The following TRIM7 variants were observed in gnomAD, a reference collection of about 807,000 sequenced individuals.
The protein encoded by TRIM7 is tripartite motif containing 7.
Under a neutral mutation model 37.9 loss-of-function variants are expected in TRIM7, and 32 were observed. That is an observed-to-expected ratio of 0.84 (90% confidence interval 0.64 to 1.13). TRIM7 has a LOEUF of 1.13. Among genes scored for constraint, TRIM7 ranks in the 50% most tolerant of loss-of-function variants. TRIM7 has a pLI of 0.00. For synonymous variants in TRIM7, 351 were observed against 321.3 expected, an observed-to-expected ratio of 1.09 and a Z score of -0.99; for missense variants, 732 against 714.0, an observed-to-expected ratio of 1.03 and a Z score of -0.29.
In TRIM7 at chr5:181,195,165, C is replaced by T. The variant is rs753380537; in HGVS notation, c.*1G>A. ...AGACAGGAGCTCCCCAGCAGTGCCC[C>T]TCAAGGCCAGATTCGCAAGTAGGTG... On this transcript the variant is annotated 3_prime_UTR_variant, in exon 7 of 7. Transcript: ENST00000274773. 10 of 1,592,796 alleles carry T rather than the reference C, an allele frequency of 6.3e-6. No homozygotes were observed. The South Asian group carries it at 1.1e-4, about 18-fold the overall frequency.
At chr5:181,201,274 A>G (rs1319944300) in intron 2 of TRIM7, among the ~76,000 whole-genome samples, 3 of 152,294 alleles carry the variant, frequency 2.0e-5, no homozygotes, top group Middle Eastern at 3.4e-3. Flanking sequence ...CCCATTGTTG[A>G]CAACCAAAAA....
At chr5:181,204,039 G>A in intron 1 of TRIM7, 1 of 1,004,878 alleles carries the variant, frequency 1.0e-6, no homozygotes, top group Non-Finnish European at 1.2e-6. Context: ...GAGGCTCAGC[G>A]AGAAAATAGC....
chr5:181,195,678 C>T lies in TRIM7; in HGVS notation c.1025-1G>A, dbSNP rs375021518. 64 of 1,517,460 alleles carry T rather than the reference C, an allele frequency of 4.2e-5. No individual in the cohort carries two copies. The South Asian group carries it at 6.8e-4, about 16-fold the overall frequency. 94.0% of individuals were successfully genotyped at this position (1,517,460 alleles called of 1,614,324 possible). A position where few individuals can be genotyped will look rare whatever the true frequency, so the allele number is the denominator to read the frequency against. Reference sequence around the variant, plus strand: ...GTGTCGGGATCCAAGGTGAGCTCCACTGCAGACAGAGACAGGGAGAAATGT... The same window carrying T: ...GTGTCGGGATCCAAGGTGAGCTCCATTGCAGACAGAGACAGGGAGAAATGT... On this transcript the variant is annotated splice_acceptor_variant, in intron 6 of 6. Coordinates refer to ENST00000274773, the MANE Select transcript of TRIM7 (RefSeq NM_203293.3). LOFTEE classifies it high-confidence loss of function.
At chr5:181,198,316 C>G in intron 5 of TRIM7, 98 bp from the exon 6 acceptor site, 3 of 1,285,490 alleles carry the variant, frequency 2.3e-6, no homozygotes, top group Non-Finnish European at 3.4e-6. Context: ...CATTCATTCC[C>G]CAGAGACTCC....
chr5:181,200,407 G>T, intron 2 of TRIM7: 1 of 1,348,496 alleles, frequency 7.4e-7, no homozygotes. Flanking sequence ...AAAGCAGAAG[G>T]GATAAATTAG....
intron 5 of TRIM7, 120 bp downstream of exon 5, chr5:181,198,570 C>T (rs1203196059): frequency 4.0e-6 from 3 of 756,888 alleles, no homozygotes; most frequent in Non-Finnish European, 6.8e-6. Flanking sequence ...CTGGCCATGG[C>T]ACAGCCAGCT....
chr5:181,201,075 G>C (rs1049405342), intron 2 of TRIM7: 2 of 252,964 alleles, frequency 7.9e-6, no homozygotes, highest in African/African-American at 4.7e-5. Flanking sequence ...TTCTCGGCCA[G>C]TTGCCTCACA....
intron 6 of TRIM7, chr5:181,196,457 G>C (rs1757129896): frequency 6.6e-6 from 1 of 152,280 alleles, no homozygotes; most frequent in African/African-American, 2.4e-5. Context: ...TGCGATACCA[G>C]CACTTTGGGA....
chr5:181,203,387 T>G (rs1757625202), intron 2 of TRIM7, 158 bp downstream of exon 2: 1 of 1,466,894 alleles, frequency 6.8e-7, no homozygotes, highest in Admixed American at 2.6e-5. Context: ...TGTACAACAA[T>G]TATGTGGACA....
Position 181,195,466 on chromosome 5 carries a change from G to A in TRIM7, c.1236C>T (p.Gly412=), listed in dbSNP as rs766580648. The A allele has an allele frequency of 1.9e-6, 3 of 1,611,792 alleles. No individual in the cohort carries two copies. Among genetic ancestry groups the A allele is most frequent in the South Asian group, 1.1e-5 (1 of 90,962 alleles). ...TTCGGCGCACGCTCTCGCGGGCCAC[G>A]CCAAAGGCCCAGCCGTCCTTAGAGC... The part of the protein sequence containing the change: ...EVGSKDGWAF[G]VARESVRRKG... Residue 412 remains glycine, a synonymous_variant, in exon 7 of 7, where the codon GGC becomes GGT. Transcript: ENST00000274773.
intron 4 of TRIM7, 92 bp downstream of exon 4, chr5:181,199,003 G>A: frequency 1.3e-6 from 2 of 1,531,452 alleles, no homozygotes; most frequent in South Asian, 2.2e-5. Context: ...GGATCAGGAG[G>A]TGAGAGGTCA....
Position 181,200,146 on chromosome 5 carries a change from T to C in TRIM7, c.619-65A>G, listed in dbSNP as rs1757388938. On this transcript the variant is annotated intron_variant, in intron 2 of 6. Coordinates refer to ENST00000274773, the MANE Select transcript of TRIM7 (RefSeq NM_203293.3). ...GAGACATAACATTTGGCCAGTGGCCTGAGTCATCCCACAGGGCAAGGCTTC... is the reference window on the plus strand; with the variant it reads ...GAGACATAACATTTGGCCAGTGGCCCGAGTCATCCCACAGGGCAAGGCTTC... The C allele has an allele frequency of 1.9e-6, 3 of 1,613,520 alleles. No homozygotes were observed. In the African/African-American group the frequency reaches 4.0e-5, roughly 21 times the overall value.
At chr5:181,199,188 GC>G in intron 3 of TRIM7, 71 bp from the exon 4 acceptor site, 1 of 1,581,552 alleles carries the variant, frequency 6.3e-7, no homozygotes, top group East Asian at 2.2e-5. Context: ...AACAAAGCTT[GC>G]CCCTTGCTGT....
intron 1 of TRIM7, 147 bp downstream of exon 1, chr5:181,204,442 C>T: frequency 8.7e-6 from 10 of 1,152,600 alleles, no homozygotes; most frequent in Non-Finnish European, 1.1e-5. Context: ...CGGGAACCAG[C>T]GCTGGGCTTC....
chr5:181,195,908 T>C lies in TRIM7; in HGVS notation c.1025-231A>G, dbSNP rs1272905734. On this transcript the variant is annotated intron_variant, in intron 6 of 6. Transcript: ENST00000274773. The stretch of plus-strand genomic sequence containing the variant: ...ACTGAAATCAAACAAATGCAATGTG[T>C]GGGCCTGGTTTGAACCCCAATTCAA... The C allele has an allele frequency of 5.1e-5, 24 of 468,950 alleles. No individual in the cohort carries two copies. In the East Asian group the frequency reaches 8.1e-4, roughly 16 times the overall value. 29.0% of individuals were successfully genotyped at this position (468,950 alleles called of 1,614,324 possible). A position where few individuals can be genotyped will look rare whatever the true frequency, so the allele number is the denominator to read the frequency against.
intron 2 of TRIM7, chr5:181,200,951 A>T (rs1385929645): frequency 2.0e-6 from 2 of 984,600 alleles, no homozygotes; most frequent in African/African-American, 3.5e-5. Flanking sequence ...CGCCTTATGG[A>T]TATTAACTCC....
rs769847608 is a variant in TRIM7 at position 181,203,634 on chromosome 5, A to G, written c.529T>C (p.Leu177=). The change falls in exon 2 of 7, where the codon TTG becomes CTG. Residue 177 remains leucine, a synonymous_variant. Transcript: ENST00000274773. ...TTCAAGACCCTCAGCCTGGACTCCA[A>G]GAGCTCCTGTAGATGAAGGGAAACA... is the stretch of plus-strand genomic sequence containing the variant. ...DEAVQEAKEL[L]ESRLRVLKKE... is the part of the protein sequence containing the mutation. 8.1e-6 allele frequency: 13 copies of G among 1,611,190 alleles called. No homozygotes were observed. Among genetic ancestry groups the G allele is most frequent in the African/African-American group, 1.3e-5 (1 of 74,734 alleles).
At position 181,203,352 on chromosome 5, in the gene TRIM7, C is replaced by T. The variant is rs901019011; in HGVS notation, c.618+193G>A. ...TTTTGCAATAATTATTTTAGCACTG[C>T]TTTTCACTTTAAAAAGCTCTGGTTT... On this transcript the variant is annotated intron_variant, in intron 2 of 6. Coordinates refer to ENST00000274773, the MANE Select transcript of TRIM7 (RefSeq NM_203293.3). The T allele has an allele frequency of 1.4e-5, 19 of 1,406,892 alleles. No homozygotes were observed. The African/African-American group carries it at 2.6e-4, about 19-fold the overall frequency. 87.2% of individuals were successfully genotyped at this position (1,406,892 alleles called of 1,614,324 possible).
At chr5:181,202,996 G>A (rs1757601401) in intron 2 of TRIM7, 1 of 154,008 alleles carries the variant, frequency 6.5e-6, no homozygotes, top group African/African-American at 2.4e-5. Flanking sequence ...GTGCAGCAGG[G>A]GCTACTGTAA....
Sources: gnomAD v4.1 joint callset for allele counts (sites outside exome capture counted in the v4.1 genomes callset) on GRCh38, gnomAD v4.1.1 for gene constraint, MANE v1.5 for transcripts, NCBI Gene and HGNC (gene_info 2026-07-23, HGNC 2026-07-21) for gene names.